The following LRMDA variants were observed in gnomAD, a reference collection of about 807,000 sequenced individuals.
LRMDA encodes leucine-rich melanocyte differentiation-associated protein.
In LRMDA, 18 loss-of-function variants were observed where a neutral mutation model predicts 29.8. The observed-to-expected ratio is 0.60, with a 90% CI of 0.42 to 0.90. The LOEUF is 0.90. LRMDA is among the 40% of genes least tolerant of loss of function. The pLI is 0.00. For missense variants in LRMDA, 273 were observed against 273.9 expected (o/e 1.00, Z 0.02); for synonymous variants, 125 against 109.4 (o/e 1.14, Z -0.89).
intron 5 of LRMDA, among the ~76,000 whole-genome samples, chr10:76,262,197 C>T (rs969476734): frequency 5.3e-5 from 8 of 152,202 alleles, no homozygotes; most frequent in African/African-American, 1.9e-4. Flanking sequence ...CACTGTACTT[C>T]AGCCTGGACA....
intron 2 of LRMDA, among the ~76,000 whole-genome samples, chr10:75,906,614 G>A (rs896397368): frequency 5.9e-5 from 9 of 152,216 alleles, no homozygotes; most frequent in Non-Finnish European, 1.3e-4. Flanking sequence ...GTGTTTATAT[G>A]TATGTTTTAA....
chr10:76,283,591 G>A (rs1321710703), intron 5 of LRMDA, among the ~76,000 whole-genome samples: 8 of 152,226 alleles, frequency 5.3e-5, no homozygotes, highest in East Asian at 1.9e-4. Flanking sequence ...TAATAACATC[G>A]ATTGAATGCT....
chr10:75,921,259 A>G (rs568096307), intron 2 of LRMDA, among the ~76,000 whole-genome samples: 62 of 152,210 alleles, frequency 4.1e-4, no homozygotes, highest in Non-Finnish European at 6.8e-4. Flanking sequence ...TGTGTATTTA[A>G]TACTGGGATG....
At chr10:75,923,458 A>G (rs530578912) in intron 2 of LRMDA, among the ~76,000 whole-genome samples, 3 of 152,274 alleles carry the variant, frequency 2.0e-5, no homozygotes, top group African/African-American at 7.2e-5. Context: ...AACAGCCGGG[A>G]GAGGAACTCC....
At chr10:76,307,860 A>G (rs1840577885) in intron 5 of LRMDA, among the ~76,000 whole-genome samples, 1 of 150,832 alleles carries the variant, frequency 6.6e-6, no homozygotes, top group Non-Finnish European at 1.5e-5. Context: ...ATGAAACCAT[A>G]TACCTTGAGC....
chr10:75,941,921 T>C lies in LRMDA; in HGVS notation c.132-94087T>C, dbSNP rs76300829. On this transcript the variant is annotated intron_variant, in intron 2 of 6. Transcript: ENST00000611255. The stretch of plus-strand genomic sequence containing the variant: ...CCTTGTTCATGTCCTACTCTCTCCA[T>C]GTCACATTTATGTGGTTGGGAGGTT... 6.5e-3 allele frequency among the ~76,000 whole-genome samples: 985 copies of C among 152,348 alleles called. 52 individuals carry two copies. In the East Asian group the frequency reaches 0.14, roughly 22 times the overall value.
intron 6 of LRMDA, among the ~76,000 whole-genome samples, chr10:76,461,621 T>A (rs1842512798): frequency 1.3e-5 from 2 of 151,828 alleles, no homozygotes; most frequent in African/African-American, 4.8e-5. Context: ...CCTGACAGAG[T>A]GTTAAAGATA....
chr10:76,410,441 T>C (rs1841948199), intron 6 of LRMDA, among the ~76,000 whole-genome samples: 1 of 151,064 alleles, frequency 6.6e-6, no homozygotes, highest in Non-Finnish European at 1.5e-5. Flanking sequence ...CCTAAGTAGC[T>C]GGGACTATAG....
At chr10:76,332,185 T>G (rs2132408377) in intron 6 of LRMDA, among the ~76,000 whole-genome samples, 1 of 152,322 alleles carries the variant, frequency 6.6e-6, no homozygotes, top group South Asian at 2.1e-4. Context: ...GATGTGCATG[T>G]GTGCACTCGC....
intron 5 of LRMDA, among the ~76,000 whole-genome samples, chr10:76,320,169 C>T (rs780483159): frequency 1.3e-5 from 2 of 152,290 alleles, no homozygotes; most frequent in South Asian, 2.1e-4. Context: ...CTTTTCCAAG[C>T]GGGTTGCCAA....
intron 6 of LRMDA, among the ~76,000 whole-genome samples, chr10:76,500,825 TAC>T (rs1842903459): frequency 1.3e-5 from 1 of 74,696 alleles, no homozygotes; most frequent in Admixed American, 1.2e-4. Flanking sequence ...AGGTATGCTT[TAC>T]ACACTATGCT....
chr10:76,548,113 G>T (rs1317350405), intron 6 of LRMDA, among the ~76,000 whole-genome samples: 1 of 152,146 alleles, frequency 6.6e-6, no homozygotes, highest in African/African-American at 2.4e-5. Flanking sequence ...TGTCGCCAAG[G>T]CAGTATCTTA....
intron 2 of LRMDA, among the ~76,000 whole-genome samples, chr10:75,630,330 T>C (rs567831188): frequency 6.6e-6 from 1 of 152,330 alleles, no homozygotes; most frequent in Admixed American, 6.5e-5. Flanking sequence ...TCTCCACTCT[T>C]TGAAGGACTA....
At chr10:75,734,244 G>A (rs1842733174) in intron 2 of LRMDA, among the ~76,000 whole-genome samples, 1 of 152,138 alleles carries the variant, frequency 6.6e-6, no homozygotes, top group Non-Finnish European at 1.5e-5. Context: ...ATAGAGCTGA[G>A]TCAAAAGAGA....
chr10:76,254,358 C>CCTATCCTATGCTATGCTATG (rs1554859388), intron 5 of LRMDA, among the ~76,000 whole-genome samples: 35 of 131,384 alleles, frequency 2.7e-4, no homozygotes, highest in East Asian at 1.2e-3. Flanking sequence ...CCTATCCTAT[C>CCTATCCTATGCTATGCTATG]CTATGCTATG....
At chr10:75,661,793 T>C (rs572213448) in intron 2 of LRMDA, among the ~76,000 whole-genome samples, 38 of 152,250 alleles carry the variant, frequency 2.5e-4, no homozygotes, top group African/African-American at 9.2e-4. Context: ...ACCCCTTTCA[T>C]TGAACTTTGT....
chr10:75,555,040 G>A (rs1390301117), intron 2 of LRMDA, among the ~76,000 whole-genome samples: 8 of 152,174 alleles, frequency 5.3e-5, no homozygotes, highest in Admixed American at 3.3e-4. Flanking sequence ...CTGAGGGGCT[G>A]GGATTTAAGC....
chr10:76,086,998 C>A (rs1398392708), intron 5 of LRMDA, among the ~76,000 whole-genome samples: 1 of 152,122 alleles, frequency 6.6e-6, no homozygotes, highest in African/African-American at 2.4e-5. Flanking sequence ...TTTGGCTTGT[C>A]CGACAGAAAT....
intron 2 of LRMDA, among the ~76,000 whole-genome samples, chr10:75,653,234 G>A (rs1841621404): frequency 6.6e-6 from 1 of 152,200 alleles, no homozygotes; most frequent in Non-Finnish European, 1.5e-5. Flanking sequence ...ATTCTTTAGT[G>A]TTCAGGCTTT....
Sources: allele counts gnomAD v4.1 joint callset (sites outside exome capture counted in the v4.1 genomes callset), GRCh38; gene constraint gnomAD v4.1.1; transcripts MANE v1.5; gene names NCBI Gene and HGNC (gene_info 2026-07-23, HGNC 2026-07-21).